Variants in THSD4 observed in about 807,000 individuals in gnomAD.
The protein encoded by THSD4 is thrombospondin type-1 domain-containing protein 4.
Under a neutral mutation model 119.0 loss-of-function variants are expected in THSD4, and 69 were observed. The ratio of observed to expected loss-of-function variants is 0.58; its 90% confidence interval spans 0.48 to 0.71. The LOEUF (loss-of-function observed/expected upper bound fraction) is 0.71, where lower values mean the gene tolerates loss of function less well. THSD4 is among the 30% of genes least tolerant of loss of function. The pLI, the probability that THSD4 is intolerant of heterozygous loss-of-function variation, is 0.00. For synonymous variants in THSD4, 524 were observed against 540.4 expected, an observed-to-expected ratio of 0.97 and a Z score of 0.42; for missense variants, 1,393 against 1,391.1, an observed-to-expected ratio of 1.00 and a Z score of -0.02.
chr15:71,281,929 A>G (rs1254391318), intron 6 of THSD4, among the ~76,000 whole-genome samples: 1 of 152,226 alleles, frequency 6.6e-6, no homozygotes, highest in Non-Finnish European at 1.5e-5. Flanking sequence ...TAGTATAACC[A>G]TTAAAACCCT....
At chr15:71,113,030 GA>G (rs912301822), upstream of THSD4, among the ~76,000 whole-genome samples, 10 of 150,816 alleles carry the variant, frequency 6.6e-5, no homozygotes, top group Non-Finnish European at 1.3e-4. Flanking sequence ...AATAAAAAAT[GA>G]AAAAAAAATT....
intron 6 of THSD4, among the ~76,000 whole-genome samples, chr15:71,286,526 T>G (rs955761571): frequency 4.6e-5 from 7 of 152,364 alleles, no homozygotes; most frequent in African/African-American, 1.4e-4. Flanking sequence ...ATGGTGTGTA[T>G]GTACCACATT....
chr15:71,238,653 C>T (rs1178552913), intron 4 of THSD4, among the ~76,000 whole-genome samples: 1 of 152,224 alleles, frequency 6.6e-6, no homozygotes, highest in Admixed American at 6.5e-5. Flanking sequence ...TAATAATCCA[C>T]TCTGTGGGTA....
chr15:71,234,877 G>A (rs1010769471), intron 4 of THSD4, among the ~76,000 whole-genome samples: 8 of 152,272 alleles, frequency 5.3e-5, no homozygotes, highest in Middle Eastern at 3.4e-3. Context: ...TCAGTTCGCC[G>A]TCCTGCTGTG....
At chr15:71,164,733 T>G (rs1296815295) in intron 3 of THSD4, 36 of 1,578,828 alleles carry the variant, frequency 2.3e-5, no homozygotes, top group Non-Finnish European at 3.1e-5. Context: ...GGTTAAATGC[T>G]TTATAGACAA....
chr15:71,203,654 AGACTCC>A (rs2043821051), intron 3 of THSD4, among the ~76,000 whole-genome samples: 2 of 152,214 alleles, frequency 1.3e-5, no homozygotes, highest in Non-Finnish European at 2.9e-5. Context: ...CGACAGAGCA[AGACTCC>A]ATCTTAAAAT....
At chr15:71,752,653 G>A (rs866379775) in intron 14 of THSD4, among the ~76,000 whole-genome samples, 1 of 152,324 alleles carries the variant, frequency 6.6e-6, no homozygotes, top group East Asian at 1.9e-4. Flanking sequence ...CCCTGAGCCA[G>A]CTACTGATTC....
At chr15:71,445,097 G>C (rs1178886205) in intron 7 of THSD4, among the ~76,000 whole-genome samples, 2 of 152,048 alleles carry the variant, frequency 1.3e-5, no homozygotes, top group African/African-American at 4.8e-5. Context: ...TTTCTATGGG[G>C]AATACCTTTT....
intron 6 of THSD4, among the ~76,000 whole-genome samples, chr15:71,292,700 G>A (rs1211929782): frequency 1.3e-4 from 18 of 140,422 alleles, no homozygotes; most frequent in East Asian, 4.1e-4. Flanking sequence ...TTTTTGAGAC[G>A]GAGTCTTGCT....
At chr15:71,267,325 G>T (rs1596304992) in intron 6 of THSD4, among the ~76,000 whole-genome samples, 2 of 152,280 alleles carry the variant, frequency 1.3e-5, no homozygotes, top group South Asian at 2.1e-4. Flanking sequence ...TTAAAGAAAA[G>T]AATTTTCAAT....
chr15:71,446,318 C>G (rs538367442), intron 7 of THSD4, among the ~76,000 whole-genome samples: 6 of 152,280 alleles, frequency 3.9e-5, no homozygotes, highest in African/African-American at 1.4e-4. Flanking sequence ...TTTAGCATTG[C>G]CCTTTCTTAT....
chr15:71,735,425 C>T (rs942620553), intron 10 of THSD4, among the ~76,000 whole-genome samples: 1 of 152,016 alleles, frequency 6.6e-6, no homozygotes, highest in African/African-American at 2.4e-5. Flanking sequence ...TCTCCTCCAT[C>T]TTGAAAACCT....
intron 6 of THSD4, among the ~76,000 whole-genome samples, chr15:71,281,166 TG>T (rs1439245396): frequency 1.3e-5 from 2 of 152,356 alleles, no homozygotes; most frequent in Admixed American, 6.5e-5. Context: ...GGCACAGAGT[TG>T]GGCTGAGGTA....
At chr15:71,439,114 G>A (rs796525305) in intron 7 of THSD4, among the ~76,000 whole-genome samples, 4 of 152,224 alleles carry the variant, frequency 2.6e-5, no homozygotes, top group African/African-American at 9.6e-5. Context: ...TTGCTTTTAG[G>A]ACAAACTAGA....
intron 7 of THSD4, among the ~76,000 whole-genome samples, chr15:71,456,688 A>G (rs1803753551): frequency 6.6e-6 from 1 of 152,170 alleles, no homozygotes; most frequent in South Asian, 2.1e-4. Context: ...CCCCTATTCT[A>G]GAAATTGAAA....
intron 6 of THSD4, among the ~76,000 whole-genome samples, chr15:71,345,137 A>G (rs1012715763): frequency 7.8e-6 from 1 of 128,562 alleles, no homozygotes; most frequent in African/African-American, 3.0e-5. Context: ...CTGTAATTAT[A>G]TATGTGATTT....
intron 6 of THSD4, among the ~76,000 whole-genome samples, chr15:71,331,910 A>G (rs2045426085): frequency 1.4e-5 from 2 of 145,518 alleles, no homozygotes; most frequent in Admixed American, 1.5e-4. Flanking sequence ...TCTGTTTGTC[A>G]GCATCTTCCA....
intron 7 of THSD4, among the ~76,000 whole-genome samples, chr15:71,629,465 C>G (rs1263975581): frequency 1.3e-5 from 2 of 152,136 alleles, no homozygotes; most frequent in Non-Finnish European, 2.9e-5. Flanking sequence ...AGCTGCTGGG[C>G]CTCCGTGTTC....
At chr15:71,310,046 A>T (rs4777367) in intron 6 of THSD4, among the ~76,000 whole-genome samples, 1 of 152,142 alleles carries the variant, frequency 6.6e-6, no homozygotes, top group Non-Finnish European at 1.5e-5. Flanking sequence ...ATGTCAGCTG[A>T]CATACCATAG....
Sources: allele counts gnomAD v4.1 joint callset (sites outside exome capture counted in the v4.1 genomes callset), GRCh38; gene constraint gnomAD v4.1.1; transcripts MANE v1.5; gene names NCBI Gene and HGNC (gene_info 2026-07-23, HGNC 2026-07-21).